GSE1: variants seen among roughly 807,000 people sequenced by gnomAD.
GSE1 encodes the protein Gse1 coiled-coil protein, also known as genetic suppressor element 1.
In GSE1, 32 loss-of-function variants were observed where a neutral mutation model predicts 112.6. That is an observed-to-expected ratio of 0.28 (90% CI 0.21 to 0.38). The LOEUF (loss-of-function observed/expected upper bound fraction) is 0.38, where lower values mean the gene tolerates loss of function less well. GSE1 is among the 10% of genes least tolerant of loss of function. The pLI, the probability that GSE1 is intolerant of heterozygous loss-of-function variation, is 1.00. For missense variants in GSE1, 2,348 were observed against 1,699.2 expected (o/e 1.38, Z -6.71); for synonymous variants, 1,115 against 735.6 (o/e 1.52, Z -8.35).
intron 2 of GSE1, among the ~76,000 whole-genome samples, chr16:85,545,748 A>G (rs1168175925): frequency 6.6e-6 from 1 of 152,138 alleles, no homozygotes; most frequent in African/African-American, 2.4e-5. Flanking sequence ...ACCTATGGGT[A>G]TGTGTTGTTA....
chr16:85,206,383 G>A (rs1315595895), intron 1 of GSE1, among the ~76,000 whole-genome samples: 3 of 152,194 alleles, frequency 2.0e-5, no homozygotes, highest in Non-Finnish European at 2.9e-5. Context: ...GAAGCCTTGT[G>A]TTCCAGCAAG....
intron 1 of GSE1, among the ~76,000 whole-genome samples, chr16:85,182,068 A>G (rs537187992): frequency 1.2e-4 from 18 of 152,294 alleles, no homozygotes; most frequent in Admixed American, 2.6e-4. Flanking sequence ...CTCTGCTTCC[A>G]GGCTGCGCGG....
Position 85,224,301 on chromosome 16 carries a change from CAAAAAAAAAAAAAAAA to C in GSE1, c.2283+52509_2283+52524del, listed in dbSNP as rs55755242. Among the ~76,000 whole-genome samples the C allele has an allele frequency of 1.3e-4, 5 of 38,814 alleles. No individual in the cohort carries two copies. In the East Asian group the frequency reaches 3.6e-3, roughly 28 times the overall value. 25.5% of individuals were successfully genotyped at this position (38,814 alleles called of 152,430 possible). A position where few individuals can be genotyped will look rare whatever the true frequency, so the allele number is the denominator to read the frequency against. On this transcript the variant is annotated intron_variant, in intron 1 of 2. Transcript: ENST00000637419. ...TGAAACCCTATCTCTACTAAAAATA[CAAAAAAAAAAAAAAAA>C]AAAAAAAAAAAAAAGGGAACACACA...
In GSE1 at chr16:85,556,192, C is replaced by T. The variant is rs930561224; in HGVS notation, c.-135C>T. ...TTTTTTCGTCGCTCTCGGGATCGCT[C>T]TTCTGCCTTTATTTTATTGTTTTGG... On this transcript the variant is annotated 5_prime_UTR_variant, in exon 1 of 3. Transcript: ENST00000635906. 678 of 983,336 alleles carry T rather than the reference C, an allele frequency of 6.9e-4. 1 individual carries two copies. The highest frequency in any genetic ancestry group is 7.2e-4 in the Non-Finnish European group (596 of 828,706). 60.9% of individuals were successfully genotyped at this position (983,336 alleles called of 1,614,324 possible).
intron 2 of GSE1, among the ~76,000 whole-genome samples, chr16:85,432,239 C>A (rs914840560): frequency 6.6e-6 from 1 of 152,246 alleles, no homozygotes; most frequent in Non-Finnish European, 1.5e-5. Context: ...AAGACGGGCA[C>A]GCCCAGATGG....
chr16:85,276,780 A>G (rs1425030806), intron 1 of GSE1, among the ~76,000 whole-genome samples: 1 of 152,116 alleles, frequency 6.6e-6, no homozygotes, highest in South Asian at 2.1e-4. Context: ...TGTCACCCAG[A>G]ACTCCTTAGA....
At chr16:85,476,277 A>G (rs1290646424) in intron 2 of GSE1, among the ~76,000 whole-genome samples, 1 of 152,126 alleles carries the variant, frequency 6.6e-6, no homozygotes, top group Non-Finnish European at 1.5e-5. Flanking sequence ...GGGCTCCCGG[A>G]GACCTGGGAT....
intron 1 of GSE1, among the ~76,000 whole-genome samples, chr16:85,331,627 A>G (rs1396368469): frequency 9.0e-6 from 1 of 111,314 alleles, no homozygotes; most frequent in Non-Finnish European, 1.9e-5. Flanking sequence ...GTGTGTATAT[A>G]TGTGTATATA....
chr16:85,516,850 T>G (rs2151942797), intron 2 of GSE1, among the ~76,000 whole-genome samples: 1 of 145,958 alleles, frequency 6.9e-6, no homozygotes, highest in East Asian at 2.0e-4. Flanking sequence ...CAGGCTGGAG[T>G]GCAGTGGCGT....
chr16:85,555,683 C>T (rs1045414890), upstream of GSE1: 6 of 946,270 alleles, frequency 6.3e-6, no homozygotes, highest in South Asian at 9.8e-5. Flanking sequence ...CCGCCCCCCC[C>T]TTCCTTTTTC....
chr16:85,212,994 G>C (rs2075250782), intron 1 of GSE1, among the ~76,000 whole-genome samples: 2 of 152,160 alleles, frequency 1.3e-5, no homozygotes, highest in Admixed American at 1.3e-4. Flanking sequence ...CAGGCTGCCG[G>C]ATGTGGTGGC....
intron 1 of GSE1, among the ~76,000 whole-genome samples, chr16:85,350,115 G>A (rs534704732): frequency 1.6e-4 from 24 of 152,318 alleles, no homozygotes; most frequent in Middle Eastern, 6.8e-3. Context: ...ATGGGCTGCC[G>A]ATGGCAGGTG....
intron 2 of GSE1, among the ~76,000 whole-genome samples, chr16:85,455,963 C>T (rs1304629204): frequency 6.6e-6 from 1 of 152,232 alleles, no homozygotes. Context: ...AAACTCATAG[C>T]ATCCTTATTT....
intron 1 of GSE1, among the ~76,000 whole-genome samples, chr16:85,585,031 G>A (rs1284729200): frequency 6.6e-6 from 1 of 152,222 alleles, no homozygotes; most frequent in African/African-American, 2.4e-5. Flanking sequence ...GCCAAATCCA[G>A]CGTATGGGGC....
intron 2 of GSE1, among the ~76,000 whole-genome samples, chr16:85,398,875 G>T (rs932105186): frequency 6.6e-6 from 1 of 152,060 alleles, no homozygotes; most frequent in African/African-American, 2.4e-5. Flanking sequence ...TGTCGAGTGC[G>T]CACCGACATG....
chr16:85,565,181 C>T (rs777856488), intron 1 of GSE1, among the ~76,000 whole-genome samples: 3 of 151,900 alleles, frequency 2.0e-5, no homozygotes, highest in East Asian at 3.9e-4. Context: ...CACGAGGTCA[C>T]GAGTTCAAGA....
chr16:85,271,967 C>T (rs1425665874), intron 1 of GSE1, among the ~76,000 whole-genome samples: 2 of 152,212 alleles, frequency 1.3e-5, no homozygotes, highest in African/African-American at 4.8e-5. Flanking sequence ...CTGCAGGACG[C>T]CTTTCTGCAA....
intron 2 of GSE1, among the ~76,000 whole-genome samples, chr16:85,506,118 T>C (rs915203840): frequency 7.9e-5 from 12 of 152,032 alleles, no homozygotes; most frequent in South Asian, 2.1e-4. Flanking sequence ...CACCAGCTAT[T>C]GTGTGCAGTT....
At chr16:85,202,100 G>T (rs1013647700) in intron 1 of GSE1, among the ~76,000 whole-genome samples, 7 of 152,212 alleles carry the variant, frequency 4.6e-5, no homozygotes, top group Admixed American at 6.5e-5. Flanking sequence ...GGTGGGGCTG[G>T]CCGGCTTAGG....
Sources: gnomAD v4.1 joint callset for allele counts (sites outside exome capture counted in the v4.1 genomes callset) on GRCh38, gnomAD v4.1.1 for gene constraint, MANE v1.5 for transcripts, NCBI Gene and HGNC (gene_info 2026-07-23, HGNC 2026-07-21) for gene names.